Variants in LITAF observed in about 807,000 individuals in gnomAD.
The protein encoded by LITAF is lipopolysaccharide induced TNF factor, also known as lipopolysaccharide-induced tumor necrosis factor-alpha factor.
Under a neutral mutation model 14.5 loss-of-function variants are expected in LITAF, and 9 were observed. The ratio of observed to expected loss-of-function variants is 0.62; its 90% CI spans 0.37 to 1.08. The LOEUF (loss-of-function observed/expected upper bound fraction) is 1.08, where lower values mean the gene tolerates loss of function less well. Among genes scored for constraint, LITAF ranks in the 50% least tolerant of loss-of-function variants. The pLI is 0.01. For synonymous variants in LITAF, 98 were observed against 88.2 expected (o/e 1.11, Z -0.62); for missense variants, 206 against 213.4 (o/e 0.97, Z 0.22).
intron 1 of LITAF, among the ~76,000 whole-genome samples, chr16:11,569,937 G>C (rs897967357): frequency 2.0e-5 from 3 of 151,966 alleles, no homozygotes; most frequent in African/African-American, 7.3e-5. Context: ...GGGAGGCTGA[G>C]GCAGAATTGC....
In LITAF at chr16:11,605,693, G is replaced by T. The variant is rs1444874656; in HGVS notation, c.85+27840C>A. ...AGGCAGGAGGATCGCTGGAGGCCAGGAGTTCGAAGCTGCAGTGAGCTATGA... is the reference window on the plus strand; with the variant it reads ...AGGCAGGAGGATCGCTGGAGGCCAGTAGTTCGAAGCTGCAGTGAGCTATGA... On this transcript the variant is annotated intron_variant, in intron 3 of 3. Transcript: ENST00000574848. The surrounding 1 kb of genome is among the most constrained non-coding windows in gnomAD (Gnocchi z 4.7). Among the ~76,000 whole-genome samples, 6 of 152,192 alleles carry T rather than the reference G, an allele frequency of 3.9e-5. No individual in the cohort carries two copies. The East Asian group carries it at 1.2e-3, about 29-fold the overall frequency.
chr16:11,559,112 C>T (rs1161868240), intron 1 of LITAF, among the ~76,000 whole-genome samples: 1 of 152,062 alleles, frequency 6.6e-6, no homozygotes, highest in Non-Finnish European at 1.5e-5. Context: ...AAAAATTAGC[C>T]AGGCATGGTG....
chr16:11,630,880 G>A (rs554852165), intron 3 of LITAF, among the ~76,000 whole-genome samples: 6 of 152,138 alleles, frequency 3.9e-5, no homozygotes, highest in South Asian at 2.1e-4. Context: ...CACAGGCATG[G>A]GCCACGGTGC....
At chr16:11,606,500 C>T (rs1567261551) in intron 3 of LITAF, among the ~76,000 whole-genome samples, 1 of 152,004 alleles carries the variant, frequency 6.6e-6, no homozygotes. Flanking sequence ...TAAAAGTACG[C>T]ACATGAATGA....
chr16:11,556,099 A>G (rs1189990276), intron 2 of LITAF, among the ~76,000 whole-genome samples: 2 of 152,222 alleles, frequency 1.3e-5, no homozygotes, highest in Non-Finnish European at 2.9e-5. Flanking sequence ...AGCTGGTATG[A>G]AAACACAATC....
Position 11,632,719 on chromosome 16 carries a change from C to G in LITAF, c.85+814G>C, listed in dbSNP as rs1382455144. Among the ~76,000 whole-genome samples the G allele has an allele frequency of 6.6e-6, 1 of 152,234 alleles. No individual in the cohort carries two copies. Among genetic ancestry groups the G allele is most frequent in the African/African-American group, 2.4e-5 (1 of 41,466 alleles). On this transcript the variant is annotated intron_variant, in intron 3 of 3. Transcript: ENST00000574848. This position sits in a 1 kb window ranked among gnomAD's most constrained non-coding sequence, Gnocchi z 4.8. The stretch of plus-strand genomic sequence containing the variant: ...CCTTCTTTCGGTTCTGCAAATGCCA[C>G]TGGCTCTGCTGGCTCTGAGCGCAGA...
Position 11,553,524 on chromosome 16 carries a change from CAG to C in LITAF, c.377+7_377+8del. ...GGATGGCTTGGGGCCAAGTGGGAGG[CAG>C]ACTCACCCCAGCAGGCACAGGCTCC... On this transcript the variant is annotated splice_region_variant and intron_variant, in intron 3 of 3. Coordinates refer to ENST00000622633, the MANE Select transcript of LITAF (RefSeq NM_001136472.2). This position sits in a 1 kb window ranked among gnomAD's most constrained non-coding sequence, Gnocchi z 7.7. The C allele has an allele frequency of 6.2e-7, 1 of 1,613,746 alleles. No homozygotes were observed. The highest frequency in any genetic ancestry group is 8.5e-7 in the Non-Finnish European group (1 of 1,179,916).
At chr16:11,624,436 C>A (rs2065071123) in intron 3 of LITAF, among the ~76,000 whole-genome samples, 1 of 152,298 alleles carries the variant, frequency 6.6e-6, no homozygotes, top group East Asian at 1.9e-4. Flanking sequence ...CTGAGACTGT[C>A]AGCCTCACTA....
At chr16:11,555,184 C>T (rs2064249282) in intron 2 of LITAF, among the ~76,000 whole-genome samples, 1 of 152,028 alleles carries the variant, frequency 6.6e-6, no homozygotes, top group Admixed American at 6.6e-5. Flanking sequence ...AGGTACAAGC[C>T]ATCACACTCA....
chr16:11,631,583 T>C (rs185128540), intron 3 of LITAF, among the ~76,000 whole-genome samples: 1 of 152,164 alleles, frequency 6.6e-6, no homozygotes, highest in African/African-American at 2.4e-5. Flanking sequence ...AGAGACAGGG[T>C]TTCACTACGT....
chr16:11,562,478 A>G (rs1942224886), intron 1 of LITAF, among the ~76,000 whole-genome samples: 1 of 152,132 alleles, frequency 6.6e-6, no homozygotes, highest in Non-Finnish European at 1.5e-5. Flanking sequence ...TCCATGGAGA[A>G]TTTTGATCTG....
At chr16:11,636,990 C>A (rs2065140734), upstream of LITAF, among the ~76,000 whole-genome samples, 1 of 152,036 alleles carries the variant, frequency 6.6e-6, no homozygotes, top group Non-Finnish European at 1.5e-5. Flanking sequence ...CTGCCTCAGC[C>A]TCCTGGGTAG....
intron 1 of LITAF, among the ~76,000 whole-genome samples, chr16:11,564,466 G>A (rs1192246708): frequency 1.3e-5 from 2 of 152,112 alleles, no homozygotes; most frequent in Non-Finnish European, 2.9e-5. Flanking sequence ...AAGGTCCTGG[G>A]TGTCATCCTA....
At chr16:11,568,315 G>C (rs2064487980) in intron 1 of LITAF, among the ~76,000 whole-genome samples, 1 of 151,648 alleles carries the variant, frequency 6.6e-6, no homozygotes, top group Non-Finnish European at 1.5e-5. Flanking sequence ...AAAAGAGAGA[G>C]GGTAGTTCTT....
upstream of LITAF, among the ~76,000 whole-genome samples, chr16:11,588,482 G>T (rs1012476014): frequency 1.4e-5 from 2 of 144,474 alleles, no homozygotes; most frequent in African/African-American, 5.2e-5. Flanking sequence ...TAGCAAGCAA[G>T]CAACAAAGAA....
At chr16:11,603,775 G>T (rs543697793) in intron 3 of LITAF, among the ~76,000 whole-genome samples, 9 of 151,990 alleles carry the variant, frequency 5.9e-5, no homozygotes, top group African/African-American at 2.2e-4. Flanking sequence ...CCGGGCGCAG[G>T]GGCTCACGCC....
At chr16:11,589,619 CTTTTT>C (rs60950577), upstream of LITAF, among the ~76,000 whole-genome samples, 1 of 103,922 alleles carries the variant, frequency 9.6e-6, no homozygotes, top group Non-Finnish European at 1.9e-5. Flanking sequence ...AAATCAGTTG[CTTTTT>C]TTTTTTTTTT....
Position 11,553,610 on chromosome 16 carries a change from G to A in LITAF, c.300C>T (p.Asn100=), listed in dbSNP as rs1230066972. Residue 100 remains asparagine, a synonymous_variant, in exon 3 of 4, where the codon AAC becomes AAT. Coordinates refer to ENST00000622633, the MANE Select transcript of LITAF (RefSeq NM_001136472.2). The surrounding 1 kb of genome is among the most constrained non-coding windows in gnomAD (Gnocchi z 7.7). ...RPIQMCCPSC[N]KMIVSQLSYN... The stretch of plus-strand genomic sequence containing the variant: ...AGGACAGCTGACTCACGATCATCTT[G>A]TTGCAGGAAGGACAACACATTTGGA... The A allele has an allele frequency of 3.1e-6, 5 of 1,614,160 alleles. No homozygotes were observed. The highest frequency in any genetic ancestry group is 4.2e-6 in the Non-Finnish European group (5 of 1,180,026).
At chr16:11,616,175 A>G (rs535020302) in intron 3 of LITAF, among the ~76,000 whole-genome samples, 82 of 152,268 alleles carry the variant, frequency 5.4e-4, no homozygotes, top group African/African-American at 1.9e-3. Context: ...TGTATCTTTT[A>G]TAATAAACTG....
Sources: allele counts gnomAD v4.1 joint callset (sites outside exome capture counted in the v4.1 genomes callset), GRCh38; gene constraint gnomAD v4.1.1; non-coding constraint Gnocchi (gnomAD v3.1); transcripts MANE v1.5; gene names NCBI Gene and HGNC (gene_info 2026-07-23, HGNC 2026-07-21).